Variants in CAPZB observed in about 807,000 individuals in gnomAD.
CAPZB encodes the protein F-actin-capping protein subunit beta.
A neutral mutation model predicts 38.1 loss-of-function variants in CAPZB; 2 were observed. The observed-to-expected ratio is 0.05, with a 90% CI of 0.02 to 0.17. CAPZB has a LOEUF of 0.17. Among genes scored for constraint, CAPZB ranks in the 10% least tolerant of loss-of-function variants. The pLI is 1.00. For missense variants in CAPZB, 161 were observed against 334.2 expected (o/e 0.48, Z 4.04); for synonymous variants, 107 against 127.4 (o/e 0.84, Z 1.08).
chr1:19,352,275 A>G (rs1314802604), intron 6 of CAPZB, among the ~76,000 whole-genome samples: 1 of 152,228 alleles, frequency 6.6e-6, no homozygotes, highest in Non-Finnish European at 1.5e-5. Context: ...CTGAAGATAT[A>G]TTGGGGGTGT....
chr1:19,427,300 C>T (rs2094426416), intron 1 of CAPZB, among the ~76,000 whole-genome samples: 1 of 152,182 alleles, frequency 6.6e-6, no homozygotes, highest in African/African-American at 2.4e-5. Flanking sequence ...AACAACCAAC[C>T]AAAGCTTCAA....
intron 1 of CAPZB, among the ~76,000 whole-genome samples, chr1:19,438,095 G>A (rs879477004): frequency 6.6e-6 from 1 of 152,178 alleles, no homozygotes; most frequent in African/African-American, 2.4e-5. Flanking sequence ...TACGTCAGGG[G>A]AGGGGACCGG....
chr1:19,368,225 G>A (rs1328248752), intron 4 of CAPZB, among the ~76,000 whole-genome samples: 2 of 152,146 alleles, frequency 1.3e-5, no homozygotes. Flanking sequence ...CCCATGCCAG[G>A]CTGCCTGGCC....
chr1:19,437,540 T>G (rs1201931015), intron 1 of CAPZB, among the ~76,000 whole-genome samples: 1 of 152,196 alleles, frequency 6.6e-6, no homozygotes, highest in African/African-American at 2.4e-5. Context: ...CTAAGTCCGC[T>G]AGCCTCGAAA....
At chr1:19,465,954 A>C (rs1423802420) in intron 1 of CAPZB, among the ~76,000 whole-genome samples, 4 of 152,108 alleles carry the variant, frequency 2.6e-5, no homozygotes, top group African/African-American at 9.7e-5. Context: ...TTAGCCTCAA[A>C]TCGATCCTAT....
At chr1:19,393,772 T>C (rs527621433) in intron 2 of CAPZB, among the ~76,000 whole-genome samples, 32 of 152,332 alleles carry the variant, frequency 2.1e-4, no homozygotes, top group African/African-American at 7.2e-4. Context: ...AGGGCTGGGC[T>C]CTCCTGCCCC....
At position 19,430,211 on chromosome 1, in the gene CAPZB, C is replaced by T. The variant is rs532008557; in HGVS notation, c.4-10461G>A. On this transcript the variant is annotated intron_variant, in intron 1 of 8. Coordinates refer to ENST00000264202, the MANE Select transcript of CAPZB (RefSeq NM_004930.5). ...CCCTCCCTGGCAAGGAAAATTTCCA[C>T]GCGCCTCTCCCTGGCATATTTATTC... Among the ~76,000 whole-genome samples the T allele has an allele frequency of 1.6e-4, 25 of 152,282 alleles. No individual in the cohort carries two copies. In the South Asian group the frequency reaches 2.7e-3, roughly 16 times the overall value.
chr1:19,485,488 C>A lies in CAPZB; in HGVS notation c.-50G>T, dbSNP rs1287983030. The A allele has an allele frequency of 7.3e-5, 90 of 1,228,258 alleles. No individual in the cohort carries two copies. In the South Asian group the frequency reaches 2.8e-3, roughly 39 times the overall value. 76.1% of individuals were successfully genotyped at this position (1,228,258 alleles called of 1,614,324 possible). On this transcript the variant is annotated 5_prime_UTR_variant, in exon 1 of 9. Coordinates refer to ENST00000264202, the MANE Select transcript of CAPZB (RefSeq NM_004930.5). Reference sequence around the variant, plus strand: ...GGTCCCGGCGTCAGTGGCTCTCCCCCCCGCAGCAGGGCCCGGCGCTTCCAC... The same window carrying A: ...GGTCCCGGCGTCAGTGGCTCTCCCCACCGCAGCAGGGCCCGGCGCTTCCAC...
In CAPZB at chr1:19,401,743, T is replaced by A. The variant is rs142813976; in HGVS notation, c.94-16117A>T. Among the ~76,000 whole-genome samples, 1,425 of 152,228 alleles carry A rather than the reference T, an allele frequency of 9.4e-3. 24 individuals are homozygous for A. Among genetic ancestry groups the A allele is most frequent in the African/African-American group, 0.032 (1,345 of 41,528 alleles). On this transcript the variant is annotated intron_variant, in intron 2 of 8. Coordinates refer to ENST00000264202, the MANE Select transcript of CAPZB (RefSeq NM_004930.5). ...TGTTTTTTGTTTGCATTTTTCCAAG[T>A]CCAGGCATTTTTCCAGGTATTTCCA...
At chr1:19,471,610 A>G (rs968081461) in intron 1 of CAPZB, among the ~76,000 whole-genome samples, 7 of 152,070 alleles carry the variant, frequency 4.6e-5, no homozygotes, top group East Asian at 1.9e-4. Context: ...CACACCTGTA[A>G]TCCCAGCACT....
chr1:19,345,515 C>T (rs956389404), intron 6 of CAPZB, among the ~76,000 whole-genome samples: 2 of 152,250 alleles, frequency 1.3e-5, no homozygotes, highest in South Asian at 4.1e-4. Context: ...GTAGAGCAGG[C>T]AGATGCCCAG....
At chr1:19,414,893 T>A (rs1357282469) in intron 2 of CAPZB, among the ~76,000 whole-genome samples, 5 of 152,228 alleles carry the variant, frequency 3.3e-5, no homozygotes, top group Admixed American at 6.5e-5. Flanking sequence ...TAATATGTAA[T>A]AAAATGATGT....
chr1:19,385,700 C>A (rs1238216915), intron 2 of CAPZB, 74 bp from the exon 3 acceptor site: 2 of 1,580,572 alleles, frequency 1.3e-6, no homozygotes, highest in Non-Finnish European at 1.7e-6. Context: ...AACAATACTG[C>A]AGCCATATTG....
chr1:19,446,500 G>C (rs1271643757), intron 1 of CAPZB, among the ~76,000 whole-genome samples: 1 of 152,178 alleles, frequency 6.6e-6, no homozygotes, highest in African/African-American at 2.4e-5. Context: ...AATTCTCTTA[G>C]AAAGTAATGG....
intron 1 of CAPZB, among the ~76,000 whole-genome samples, chr1:19,469,815 A>G (rs2094580986): frequency 6.6e-6 from 1 of 151,692 alleles, no homozygotes; most frequent in Non-Finnish European, 1.5e-5. Flanking sequence ...CAGAGAGCAC[A>G]GTAAAGGGCT....
At chr1:19,428,366 G>A (rs1001652308) in intron 1 of CAPZB, among the ~76,000 whole-genome samples, 2 of 151,536 alleles carry the variant, frequency 1.3e-5, no homozygotes, top group African/African-American at 4.9e-5. Context: ...TCATGCCACT[G>A]CACTCCAGCC....
chr1:19,401,712 G>A (rs934240352), intron 2 of CAPZB, among the ~76,000 whole-genome samples: 12 of 152,152 alleles, frequency 7.9e-5, no homozygotes, highest in African/African-American at 2.9e-4. Context: ...TTAGAGCTAC[G>A]TGCTGTGTTT....
intron 8 of CAPZB, 42 bp downstream of exon 8, chr1:19,344,302 GCCAGGGTTCAAATC>G: frequency 7.0e-7 from 1 of 1,423,752 alleles, no homozygotes. Context: ...AACTGGCAGA[GCCAGGGTTCAAATC>G]CCTCTGTCTG....
Position 19,385,860 on chromosome 1 carries a change from T to C in CAPZB, c.94-234A>G. On this transcript the variant is annotated intron_variant, in intron 2 of 8. Transcript: ENST00000264202. ...GTGGAGCGTGATTTCTAATACAGTC[T>C]TCCTTCCAAAAACTGTGTGCAGCTT... is the stretch of plus-strand genomic sequence containing the variant. 2.3e-5 allele frequency: 15 copies of C among 638,448 alleles called. 1 individual carries two copies. Among genetic ancestry groups the C allele is most frequent in the South Asian group, 2.3e-4 (15 of 64,766 alleles). 39.5% of individuals were successfully genotyped at this position (638,448 alleles called of 1,614,324 possible).
Sources: gnomAD v4.1 joint callset for allele counts (sites outside exome capture counted in the v4.1 genomes callset) on GRCh38, gnomAD v4.1.1 for gene constraint, MANE v1.5 for transcripts, NCBI Gene and HGNC (gene_info 2026-07-23, HGNC 2026-07-21) for gene names.